Variants in MYO5C observed in about 807,000 individuals in gnomAD.
MYO5C encodes myosin VC.
A neutral mutation model predicts 235.7 loss-of-function variants in MYO5C; 194 were observed. The observed-to-expected ratio is 0.82, with a 90% CI of 0.73 to 0.93. The LOEUF is 0.93. Ranked by LOEUF, MYO5C falls within the 40% of genes least tolerant of loss-of-function variation. MYO5C has a pLI of 0.00. For missense variants in MYO5C, 2,038 were observed against 2,127.2 expected (o/e 0.96, Z 0.82); for synonymous variants, 707 against 754.8 (o/e 0.94, Z 1.04).
chr15:52,281,834 T>G (rs2037167817), intron 2 of MYO5C, among the ~76,000 whole-genome samples: 1 of 152,356 alleles, frequency 6.6e-6, no homozygotes, highest in South Asian at 2.1e-4. Context: ...GTGTGTCCTG[T>G]GTCTGCAGAA....
chr15:52,210,901 C>T (rs1303082011), intron 35 of MYO5C, among the ~76,000 whole-genome samples: 1 of 152,176 alleles, frequency 6.6e-6, no homozygotes, highest in Non-Finnish European at 1.5e-5. Context: ...TTGTCATTGT[C>T]ACTTTTGATC....
At chr15:52,291,731 GTTTTTTT>G (rs1196328559) in intron 1 of MYO5C, among the ~76,000 whole-genome samples, 13 of 52,552 alleles carry the variant, frequency 2.5e-4, no homozygotes, top group South Asian at 9.7e-4. Flanking sequence ...CATATTTTAT[GTTTTTTT>G]TTTTTTTTTT....
chr15:52,269,640 C>T (rs2036878020), intron 8 of MYO5C, 113 bp downstream of exon 8: 1 of 685,456 alleles, frequency 1.5e-6, no homozygotes, highest in African/African-American at 1.8e-5. Flanking sequence ...ATCCGCCCAC[C>T]TCAGCCTCCC....
In MYO5C at chr15:52,223,780, C is replaced by T. The variant is rs2035756106; in HGVS notation, c.3447-56G>A. On this transcript the variant is annotated intron_variant, in intron 28 of 40. Coordinates refer to ENST00000261839, the MANE Select transcript of MYO5C (RefSeq NM_018728.4). ...CATGGCCTTTGTTCTGTTTTATGGACTGCTGGGAGGCAGTTATGAAGACCC... is the reference window on the plus strand; with the variant it reads ...CATGGCCTTTGTTCTGTTTTATGGATTGCTGGGAGGCAGTTATGAAGACCC... The T allele has an allele frequency of 2.6e-6, 4 of 1,516,152 alleles. No individual in the cohort carries two copies. The South Asian group carries it at 5.1e-5, about 19-fold the overall frequency. 93.9% of individuals were successfully genotyped at this position (1,516,152 alleles called of 1,614,324 possible).
At chr15:52,259,471 G>A (rs2059987309) in intron 10 of MYO5C, among the ~76,000 whole-genome samples, 1 of 149,298 alleles carries the variant, frequency 6.7e-6, no homozygotes, top group African/African-American at 2.5e-5. Context: ...TTAAAATAAA[G>A]GACTGTCATT....
intron 3 of MYO5C, 58 bp downstream of exon 3, chr15:52,279,451 T>C: frequency 6.4e-7 from 1 of 1,567,450 alleles, no homozygotes; most frequent in Non-Finnish European, 8.7e-7. Flanking sequence ...CAGGAGGCTC[T>C]AGACAGCAAG....
rs757170506 is a variant in MYO5C at position 52,195,434 on chromosome 15, G to A, written c.5019C>T (p.Tyr1673=). Reference sequence around the variant, plus strand: ...TCTTCTCAAAGTCATCTATAGGTGTGTATGAATTAAGGATCTTTATGATCT... The same window carrying A: ...TCTTCTCAAAGTCATCTATAGGTGTATATGAATTAAGGATCTTTATGATCT... ...AVQIIKILNS[Y]TPIDDFEKRV... is the part of the protein sequence containing the mutation. Residue 1673 remains tyrosine (Y), a synonymous_variant, in exon 40 of 41, where the codon TAC becomes TAT. Coordinates refer to ENST00000261839, the MANE Select transcript of MYO5C (RefSeq NM_018728.4). 5.6e-6 allele frequency: 9 copies of A among 1,612,472 alleles called. No homozygotes were observed. In the Admixed American group the frequency reaches 8.4e-5, roughly 15 times the overall value.
At chr15:52,219,542 C>T (rs1206043578) in intron 31 of MYO5C, among the ~76,000 whole-genome samples, 1 of 152,202 alleles carries the variant, frequency 6.6e-6, no homozygotes, top group Non-Finnish European at 1.5e-5. Flanking sequence ...TGGAGGCAAC[C>T]AATGTTTTGT....
intron 38 of MYO5C, among the ~76,000 whole-genome samples, chr15:52,200,572 A>C (rs920392474): frequency 1.4e-5 from 2 of 146,594 alleles, no homozygotes; most frequent in Non-Finnish European, 3.0e-5. Context: ...ATAATAATAA[A>C]AACATAAACT....
At chr15:52,266,773 T>C (rs1283155854) in intron 8 of MYO5C, among the ~76,000 whole-genome samples, 1 of 152,210 alleles carries the variant, frequency 6.6e-6, no homozygotes, top group Non-Finnish European at 1.5e-5. Flanking sequence ...CGCCCTAGCA[T>C]GTCTAAACAG....
chr15:52,266,952 G>A (rs916208849), intron 8 of MYO5C, among the ~76,000 whole-genome samples: 2 of 152,086 alleles, frequency 1.3e-5, no homozygotes, highest in Non-Finnish European at 1.5e-5. Context: ...GAGAGGACAC[G>A]GTACTCTACC....
chr15:52,285,930 TC>T (rs1474387878), intron 1 of MYO5C, among the ~76,000 whole-genome samples: 2 of 151,146 alleles, frequency 1.3e-5, no homozygotes, highest in Admixed American at 1.3e-4. Context: ...CTGGCCGCCA[TC>T]CCATCTAGGA....
chr15:52,291,724 A>ATTTTTTTTTTT (rs1237279844), intron 1 of MYO5C, among the ~76,000 whole-genome samples: 1 of 61,982 alleles, frequency 1.6e-5, no homozygotes, highest in Non-Finnish European at 3.6e-5. Flanking sequence ...TTGTTTGCAT[A>ATTTTTTTTTTT]TTTTATGTTT....
At chr15:52,224,489 T>TTG (rs1268184669) in intron 28 of MYO5C, among the ~76,000 whole-genome samples, 1 of 151,488 alleles carries the variant, frequency 6.6e-6, no homozygotes, top group Non-Finnish European at 1.5e-5. Context: ...GTGGGGGAGG[T>TTG]TGTGTGTGTG....
intron 10 of MYO5C, among the ~76,000 whole-genome samples, chr15:52,257,417 C>T (rs2140817564): frequency 6.6e-6 from 1 of 152,308 alleles, no homozygotes; most frequent in South Asian, 2.1e-4. Flanking sequence ...CTACTCAGCT[C>T]CTGCCGGATG....
At position 52,193,719 on chromosome 15, in the gene MYO5C, T is replaced by C. The variant is rs1438185976; in HGVS notation, c.*183A>G. 1.6e-6 allele frequency: 1 copy of C among 624,938 alleles called. No individual in the cohort carries two copies. Among genetic ancestry groups the C allele is most frequent in the East Asian group, 2.9e-5 (1 of 34,438 alleles). The allele number at this position is 624,938 out of a possible 1,614,324, so 38.7% of individuals were successfully genotyped here. On this transcript the variant is annotated 3_prime_UTR_variant, in exon 41 of 41. Coordinates refer to ENST00000261839, the MANE Select transcript of MYO5C (RefSeq NM_018728.4). ...TCCAAATACAGCTGGTGTGTGTGAA[T>C]TCTTACAAAATTACAGGAGCAGCAT...
intron 33 of MYO5C, among the ~76,000 whole-genome samples, chr15:52,214,169 G>A (rs2035506019): frequency 6.6e-6 from 1 of 152,166 alleles, no homozygotes; most frequent in Non-Finnish European, 1.5e-5. Flanking sequence ...AGGCTCACGA[G>A]GATGCTTTAT....
intron 23 of MYO5C, among the ~76,000 whole-genome samples, chr15:52,235,410 T>A (rs748838473): frequency 6.6e-6 from 1 of 152,204 alleles, no homozygotes; most frequent in Non-Finnish European, 1.5e-5. Context: ...TCCGACCATC[T>A]GTACTTTGCA....
chr15:52,247,161 C>A, intron 15 of MYO5C, 147 bp from the exon 16 acceptor site: 1 of 699,052 alleles, frequency 1.4e-6, no homozygotes, highest in African/African-American at 1.8e-5. Flanking sequence ...GGTTTCAGTC[C>A]GTGACTGTGG....
Sources: allele counts gnomAD v4.1 joint callset (sites outside exome capture counted in the v4.1 genomes callset), GRCh38; gene constraint gnomAD v4.1.1; transcripts MANE v1.5; gene names NCBI Gene and HGNC (gene_info 2026-07-23, HGNC 2026-07-21).